LAMA2: variants seen among roughly 807,000 people sequenced by gnomAD.
LAMA2 encodes the protein laminin subunit alpha 2.
LAMA2 carries 269 observed loss-of-function variants against 364.8 expected under a neutral mutation model. That is an observed-to-expected ratio of 0.74 (90% CI 0.67 to 0.82). The LOEUF (loss-of-function observed/expected upper bound fraction) is 0.82. Ranked by LOEUF, LAMA2 falls within the 40% of genes least tolerant of loss-of-function variation. The pLI, the probability that LAMA2 is intolerant of heterozygous loss-of-function variation, is 0.00. For synonymous variants in LAMA2, 1,379 were observed against 1,370.6 expected, an observed-to-expected ratio of 1.01 and a Z score of -0.14; for missense variants, 3,807 against 3,873.2, an observed-to-expected ratio of 0.98 and a Z score of 0.45.
intron 11 of LAMA2, among the ~76,000 whole-genome samples, chr6:129,191,044 G>T (rs112846310): frequency 6.5e-4 from 99 of 152,156 alleles, no homozygotes; most frequent in Non-Finnish European, 1.2e-3. Flanking sequence ...AGCCTGTGTG[G>T]CTGGACTTAA....
At chr6:129,190,467 T>A in intron 11 of LAMA2, 122 bp downstream of exon 11, 2 of 1,005,474 alleles carry the variant, frequency 2.0e-6, no homozygotes, top group Non-Finnish European at 3.0e-6. Context: ...CAGGAAGAAG[T>A]AATGGAATTT....
rs184147710 is a variant in LAMA2 at position 129,305,351 on chromosome 6, G to A, written c.3174+4479G>A. ...TTTTTTTTTTTTATTCTGAGACAGG[G>A]TCTTACTCCATTGCCCAGGCTAGAG... On this transcript the variant is annotated intron_variant, in intron 22 of 64. Transcript: ENST00000421865. 5.2e-3 allele frequency among the ~76,000 whole-genome samples: 780 copies of A among 150,840 alleles called. 6 individuals are homozygous for A. Among genetic ancestry groups the A allele is most frequent in the Non-Finnish European group, 9.0e-3 (613 of 67,744 alleles).
At chr6:129,461,511 A>G (rs188798011) in intron 49 of LAMA2, among the ~76,000 whole-genome samples, 2 of 152,072 alleles carry the variant, frequency 1.3e-5, no homozygotes, top group Non-Finnish European at 2.9e-5. Flanking sequence ...CTTTCAATAC[A>G]TGAAAGACAG....
intron 1 of LAMA2, among the ~76,000 whole-genome samples, chr6:128,974,718 T>C (rs2114624494): frequency 6.6e-6 from 1 of 152,332 alleles, no homozygotes; most frequent in East Asian, 1.9e-4. Flanking sequence ...GATTCATTTA[T>C]CCATTCATTC....
intron 12 of LAMA2, among the ~76,000 whole-genome samples, chr6:129,212,546 G>T (rs1783171240): frequency 6.6e-6 from 1 of 152,100 alleles, no homozygotes; most frequent in Admixed American, 6.6e-5. Flanking sequence ...CTTCTCCAGA[G>T]ACCAGGCAGA....
intron 1 of LAMA2, among the ~76,000 whole-genome samples, chr6:128,971,575 C>T (rs1386255093): frequency 6.6e-6 from 1 of 152,062 alleles, no homozygotes; most frequent in Non-Finnish European, 1.5e-5. Flanking sequence ...ACACATCTTC[C>T]AGGCAGAGTG....
intron 17 of LAMA2, among the ~76,000 whole-genome samples, chr6:129,278,547 A>C (rs1412487103): frequency 6.6e-6 from 1 of 152,150 alleles, no homozygotes; most frequent in Non-Finnish European, 1.5e-5. Context: ...CTTCAGTGCA[A>C]TCACAATCCC....
rs75563146 is a variant in LAMA2, at chr6:129,349,141, C to T, written c.4437-157C>T. On this transcript the variant is annotated intron_variant, in intron 30 of 64. Transcript: ENST00000421865. The stretch of plus-strand genomic sequence containing the variant: ...TGTTATTAATGGTTTTTCATTGTGA[C>T]GTCCTAGCCTTAAATAAGAACTTCA... Among the ~76,000 whole-genome samples the T allele has an allele frequency of 4.1e-3, 624 of 152,176 alleles. 2 individuals carry two copies. Among genetic ancestry groups the T allele is most frequent in the African/African-American group, 0.014 (599 of 41,518 alleles).
chr6:128,966,170 G>C (rs9492164), intron 1 of LAMA2, among the ~76,000 whole-genome samples: 2,262 of 151,778 alleles, frequency 0.015, 58 homozygotes, highest in African/African-American at 0.052. Context: ...CTGTTGAATA[G>C]GTAGGACTTC....
At chr6:129,213,667 T>G (rs1206161208) in intron 12 of LAMA2, among the ~76,000 whole-genome samples, 1 of 152,230 alleles carries the variant, frequency 6.6e-6, no homozygotes, top group Non-Finnish European at 1.5e-5. Context: ...TCCATCTGTA[T>G]ATAAGCTTTG....
chr6:129,507,525 C>T lies in LAMA2; in HGVS notation c.8740C>T (p.His2914Tyr), dbSNP rs751117756. Residue 2914 changes from histidine (H) to tyrosine (Y), a missense_variant, in exon 62 of 65, where the codon CAC (histidine) becomes TAC (tyrosine). By Grantham distance (83) the His-to-Tyr change is moderately conservative. Transcript: ENST00000421865. ...YSIDGCVRNL[H>Y]MAEAPADLEQ... Reference sequence around the variant, plus strand: ...CATTGATGGCTGCGTCAGGAATCTCCACATGGCAGAGGCCCCTGCCGATCT... The same window carrying T: ...CATTGATGGCTGCGTCAGGAATCTCTACATGGCAGAGGCCCCTGCCGATCT... The T allele has an allele frequency of 1.2e-6, 2 of 1,614,130 alleles. No homozygotes were observed. Among genetic ancestry groups the T allele is most frequent in the Admixed American group, 3.3e-5 (2 of 60,024 alleles).
intron 29 of LAMA2, among the ~76,000 whole-genome samples, chr6:129,333,793 T>C (rs1223706848): frequency 6.6e-6 from 1 of 152,210 alleles, no homozygotes; most frequent in Non-Finnish European, 1.5e-5. Context: ...CTTTATATGA[T>C]TAATTTAGAA....
At chr6:128,911,561 C>A (rs533387826) in intron 1 of LAMA2, among the ~76,000 whole-genome samples, 1 of 151,856 alleles carries the variant, frequency 6.6e-6, no homozygotes, top group South Asian at 2.1e-4. Context: ...GAGATGAACC[C>A]GGTACCTCAG....
chr6:129,095,172 G>T (rs1284720901), intron 3 of LAMA2, among the ~76,000 whole-genome samples: 3 of 152,182 alleles, frequency 2.0e-5, no homozygotes, highest in Non-Finnish European at 2.9e-5. Flanking sequence ...TTTACCCTGA[G>T]ATAACTTGTG....
intron 28 of LAMA2, among the ~76,000 whole-genome samples, chr6:129,324,530 C>G (rs1179914043): frequency 3.3e-5 from 5 of 152,220 alleles, no homozygotes; most frequent in African/African-American, 1.2e-4. Flanking sequence ...TCATGTGCTG[C>G]TTAACGACAG....
At chr6:129,206,824 T>C (rs906926237) in intron 12 of LAMA2, among the ~76,000 whole-genome samples, 8 of 152,196 alleles carry the variant, frequency 5.3e-5, no homozygotes, top group African/African-American at 1.7e-4. Flanking sequence ...AACTGAAATG[T>C]GATGAATTAT....
At chr6:128,908,434 T>C (rs1400587763) in intron 1 of LAMA2, among the ~76,000 whole-genome samples, 1 of 149,986 alleles carries the variant, frequency 6.7e-6, no homozygotes, top group Non-Finnish European at 1.5e-5. Context: ...GAGGTGTTTA[T>C]AGTATTCTCT....
Position 128,947,701 on chromosome 6 carries a change from G to A in LAMA2, c.112+64344G>A, listed in dbSNP as rs535776465. On this transcript the variant is annotated intron_variant, in intron 1 of 64. Coordinates refer to ENST00000421865, the MANE Select transcript of LAMA2 (RefSeq NM_000426.4). Reference sequence around the variant, plus strand: ...GAGCATGGATTTAAAGCGAGGATGTGAGACTGTGGCTGTTACATATTTTTT... The same window carrying A: ...GAGCATGGATTTAAAGCGAGGATGTAAGACTGTGGCTGTTACATATTTTTT... Among the ~76,000 whole-genome samples the A allele has an allele frequency of 1.4e-4, 21 of 152,282 alleles. No individual in the cohort carries two copies. In the East Asian group the frequency reaches 4.1e-3, roughly 29 times the overall value.
chr6:129,486,511 A>T lies in LAMA2; in HGVS notation c.7787A>T (p.Glu2596Val). 1 of 1,613,844 alleles carries T rather than the reference A, an allele frequency of 6.2e-7. No homozygotes were observed. The highest frequency in any genetic ancestry group is 1.3e-5 in the African/African-American group (1 of 75,042). Residue 2596 changes from glutamate to valine, a missense_variant, in exon 56 of 65, where the codon GAA becomes GTA. Physicochemically the swap from Glu to Val is moderately radical, Grantham distance 121 (BLOSUM62 -2). This residue lies in a region of LAMA2 where 3,333 missense variants were observed against 3,345.7 expected (regional missense o/e 1.00). Transcript: ENST00000421865. Reference sequence around the variant, plus strand: ...ATACTCCTCAACAGGGGCCGTCTGGAAGTGCATCTCTCCACAGGGGCACGA... The same window carrying T: ...ATACTCCTCAACAGGGGCCGTCTGGTAGTGCATCTCTCCACAGGGGCACGA... ...YAILLNRGRL[E>V]VHLSTGARTM...
Sources: gnomAD v4.1 joint callset for allele counts (sites outside exome capture counted in the v4.1 genomes callset) on GRCh38, gnomAD v4.1.1 for gene constraint, gnomAD v4.1.1 regional missense constraint, MANE v1.5 for transcripts, NCBI Gene and HGNC (gene_info 2026-07-23, HGNC 2026-07-21) for gene names.